The following VTI1A variants were observed in gnomAD, a reference collection of about 807,000 sequenced individuals.
VTI1A encodes vesicle transport through interaction with t-SNAREs 1A.
Under a neutral mutation model 34.9 loss-of-function variants are expected in VTI1A, and 22 were observed. That is an observed-to-expected ratio of 0.63 (90% CI 0.45 to 0.90). The LOEUF is 0.90. Ranked by LOEUF, VTI1A falls within the 40% of genes least tolerant of loss-of-function variation. VTI1A has a pLI of 0.00. For missense variants in VTI1A, 268 were observed against 275.6 expected, an observed-to-expected ratio of 0.97 and a Z score of 0.20; for synonymous variants, 87 against 97.3, an observed-to-expected ratio of 0.89 and a Z score of 0.62.
At chr10:112,616,429 G>A (rs960861884) in intron 5 of VTI1A, among the ~76,000 whole-genome samples, 3 of 152,090 alleles carry the variant, frequency 2.0e-5, no homozygotes, top group Non-Finnish European at 4.4e-5. Context: ...ATGCCTACTG[G>A]CTTCCAGAAA....
intron 7 of VTI1A, among the ~76,000 whole-genome samples, chr10:112,759,503 G>A (rs1488721723): frequency 2.0e-5 from 3 of 152,130 alleles, no homozygotes; most frequent in Admixed American, 6.6e-5. Flanking sequence ...CCGAACCAAC[G>A]TTTAGCGACA....
At chr10:112,626,025 A>G (rs1049738749) in intron 5 of VTI1A, among the ~76,000 whole-genome samples, 9 of 152,372 alleles carry the variant, frequency 5.9e-5, no homozygotes, top group Non-Finnish European at 8.8e-5. Flanking sequence ...GTTTTCCCCA[A>G]GAAAATGTCA....
intron 7 of VTI1A, among the ~76,000 whole-genome samples, chr10:112,761,386 A>G (rs900310076): frequency 6.6e-6 from 1 of 152,186 alleles, no homozygotes; most frequent in African/African-American, 2.4e-5. Flanking sequence ...CTATATCGTC[A>G]GGCTTTTGTA....
chr10:112,482,309 T>G (rs1406556646), intron 3 of VTI1A, among the ~76,000 whole-genome samples: 1 of 152,208 alleles, frequency 6.6e-6, no homozygotes, highest in African/African-American at 2.4e-5. Context: ...AATGTTTTCA[T>G]CATATAAATT....
At chr10:112,482,129 TAAAC>T (rs528595327) in intron 3 of VTI1A, among the ~76,000 whole-genome samples, 372 of 152,304 alleles carry the variant, frequency 2.4e-3, no homozygotes, top group African/African-American at 8.8e-3. Flanking sequence ...TCCTGTGTCT[TAAAC>T]AATTGCTATT....
intron 5 of VTI1A, among the ~76,000 whole-genome samples, chr10:112,657,999 GGGT>G (rs1847297535): frequency 6.6e-6 from 1 of 152,116 alleles, no homozygotes; most frequent in Admixed American, 6.5e-5. Flanking sequence ...GCAGCTCTGT[GGGT>G]AATGAGCAAC....
intron 5 of VTI1A, among the ~76,000 whole-genome samples, chr10:112,635,951 A>C (rs921003047): frequency 6.6e-6 from 1 of 152,248 alleles, no homozygotes; most frequent in East Asian, 1.9e-4. Flanking sequence ...CAGATTAAGC[A>C]TAGAAACAGA....
At chr10:112,519,638 G>A (rs1209160920) in intron 3 of VTI1A, among the ~76,000 whole-genome samples, 1 of 152,038 alleles carries the variant, frequency 6.6e-6, no homozygotes, top group Non-Finnish European at 1.5e-5. Flanking sequence ...GCCTGTTGTG[G>A]CGGTGTAATA....
At chr10:112,582,493 C>A (rs1843988283) in intron 5 of VTI1A, among the ~76,000 whole-genome samples, 1 of 152,152 alleles carries the variant, frequency 6.6e-6, no homozygotes, top group African/African-American at 2.4e-5. Context: ...CTCTGGTCAT[C>A]TTGCTTGTGA....
intron 7 of VTI1A, among the ~76,000 whole-genome samples, chr10:112,769,967 A>G (rs1851756882): frequency 6.6e-6 from 1 of 152,100 alleles, no homozygotes. Flanking sequence ...AGGGGCATGT[A>G]GGCCCACTGG....
the VTI1A span, among the ~76,000 whole-genome samples, chr10:112,830,840 T>TAG: frequency 3.9e-5 from 2 of 51,208 alleles, no homozygotes; most frequent in African/African-American, 1.4e-4. Flanking sequence ...TATATATATA[T>TAG]ATATATATAT....
intron 3 of VTI1A, among the ~76,000 whole-genome samples, chr10:112,497,650 C>T (rs1156474610): frequency 6.6e-6 from 1 of 152,134 alleles, no homozygotes; most frequent in African/African-American, 2.4e-5. Context: ...AAAATATAAT[C>T]TAAATTAGGC....
At chr10:112,679,426 A>G (rs1224875269) in intron 7 of VTI1A, among the ~76,000 whole-genome samples, 2 of 152,038 alleles carry the variant, frequency 1.3e-5, no homozygotes, top group Non-Finnish European at 2.9e-5. Context: ...TGAGGTTTTC[A>G]TTTTTTATTT....
chr10:112,758,078 G>A (rs909650761), intron 7 of VTI1A, among the ~76,000 whole-genome samples: 5 of 152,156 alleles, frequency 3.3e-5, no homozygotes, highest in African/African-American at 4.8e-5. Context: ...GCAAATAGCA[G>A]TTATGCAATA....
chr10:112,538,237 C>G lies in VTI1A; in HGVS notation c.343-9C>G. 1.9e-6 allele frequency: 3 copies of G among 1,590,600 alleles called. No homozygotes were observed. The highest frequency in any genetic ancestry group is 2.6e-6 in the Non-Finnish European group (3 of 1,170,198). On this transcript the variant is annotated splice_polypyrimidine_tract_variant and intron_variant, in intron 4 of 7. Coordinates refer to ENST00000393077, the MANE Select transcript of VTI1A (RefSeq NM_145206.4). ...GTCTGATTTTTTTTTCCCCCTTTTT[C>G]TTTTTCAGAGGGCACATCTGCTCGA...
intron 5 of VTI1A, among the ~76,000 whole-genome samples, chr10:112,614,007 G>A (rs1030182113): frequency 2.0e-5 from 3 of 151,852 alleles, no homozygotes; most frequent in African/African-American, 7.3e-5. Flanking sequence ...AGAAATCCAT[G>A]TTTCATATGG....
intron 5 of VTI1A, among the ~76,000 whole-genome samples, chr10:112,567,422 A>C (rs1344317610): frequency 1.3e-5 from 2 of 152,144 alleles, no homozygotes; most frequent in East Asian, 1.9e-4. Flanking sequence ...ATAATGTGAA[A>C]ATTTATTATT....
intron 7 of VTI1A, among the ~76,000 whole-genome samples, chr10:112,698,961 A>G (rs968363101): frequency 2.6e-5 from 4 of 152,110 alleles, no homozygotes; most frequent in African/African-American, 9.7e-5. Flanking sequence ...GGTCCTCCGT[A>G]GCTACCACAC....
intron 7 of VTI1A, among the ~76,000 whole-genome samples, chr10:112,734,328 A>G (rs1850379287): frequency 1.3e-5 from 2 of 151,824 alleles, no homozygotes. Context: ...CGTGGTGCAC[A>G]CTCGTTCTTG....
Sources: gnomAD v4.1 joint callset for allele counts (sites outside exome capture counted in the v4.1 genomes callset) on GRCh38, gnomAD v4.1.1 for gene constraint, MANE v1.5 for transcripts, NCBI Gene and HGNC (gene_info 2026-07-23, HGNC 2026-07-21) for gene names.